GALNT13: variants seen among roughly 807,000 people sequenced by gnomAD.
The protein encoded by GALNT13 is UDP-GalNAc:polypeptide N-acetylgalactosaminyltransferase 13.
GALNT13 carries 28 observed loss-of-function variants against 64.2 expected under a neutral mutation model. That is an observed-to-expected ratio of 0.44 (90% CI 0.32 to 0.60). The LOEUF is 0.60. GALNT13 is among the 20% of genes least tolerant of loss of function. The pLI, the probability that GALNT13 is intolerant of heterozygous loss-of-function variation, is 0.05. For missense variants in GALNT13, 577 were observed against 669.8 expected, an observed-to-expected ratio of 0.86 and a Z score of 1.53; for synonymous variants, 214 against 224.6, an observed-to-expected ratio of 0.95 and a Z score of 0.42.
chr2:153,926,704 G>A (rs968081249), intron 2 of GALNT13, among the ~76,000 whole-genome samples: 7 of 151,930 alleles, frequency 4.6e-5, no homozygotes, highest in Admixed American at 4.6e-4. Flanking sequence ...TGGGTCTGTT[G>A]GTCTATATTT....
the GALNT13 span, chr2:153,478,876 G>C: frequency 1.1e-5 from 4 of 348,298 alleles, no homozygotes; most frequent in Non-Finnish European, 2.1e-5. Context: ...GGGCCGCGGC[G>C]GCTGCAGCGG....
intron 12 of GALNT13, among the ~76,000 whole-genome samples, chr2:154,442,826 CAA>C (rs1701368600): frequency 6.6e-6 from 1 of 150,948 alleles, no homozygotes; most frequent in Non-Finnish European, 1.5e-5. Flanking sequence ...CACTATGCAA[CAA>C]AGAAAAAAAG....
the GALNT13 span, among the ~76,000 whole-genome samples, chr2:153,195,131 G>A: frequency 6.6e-5 from 10 of 152,134 alleles, no homozygotes; most frequent in African/African-American, 1.2e-4. Flanking sequence ...TCCCTTGGAT[G>A]TGTGAGTTCT....
chr2:153,306,139 A>G, the GALNT13 span, among the ~76,000 whole-genome samples: 1 of 151,868 alleles, frequency 6.6e-6, no homozygotes, highest in Non-Finnish European at 1.5e-5. Flanking sequence ...TATTCTGGTG[A>G]CTCACTTCCC....
the GALNT13 span, among the ~76,000 whole-genome samples, chr2:153,138,352 C>T: frequency 6.6e-6 from 1 of 152,038 alleles, no homozygotes; most frequent in African/African-American, 2.4e-5. Context: ...TTTGCAGAGA[C>T]ATAACCTGAG....
chr2:153,310,162 T>C, the GALNT13 span, among the ~76,000 whole-genome samples: 6 of 152,198 alleles, frequency 3.9e-5, no homozygotes, highest in Non-Finnish European at 8.8e-5. Flanking sequence ...CAGGGATTAA[T>C]TTTTTGTTAT....
chr2:153,732,604 A>G, the GALNT13 span, among the ~76,000 whole-genome samples: 2 of 152,206 alleles, frequency 1.3e-5, no homozygotes, highest in East Asian at 3.9e-4. Flanking sequence ...TAGGAAGGTA[A>G]AAATGTGTCT....
At chr2:153,323,566 T>C in the GALNT13 span, among the ~76,000 whole-genome samples, 4 of 152,224 alleles carry the variant, frequency 2.6e-5, no homozygotes, top group Non-Finnish European at 4.4e-5. Context: ...TCTTTGCCCA[T>C]GCCTATGTCC....
At chr2:153,401,704 C>T in the GALNT13 span, among the ~76,000 whole-genome samples, 43 of 146,762 alleles carry the variant, frequency 2.9e-4, no homozygotes, top group African/African-American at 1.1e-3. Context: ...CTCTTTTGAT[C>T]TTTGTTGGTT....
the GALNT13 span, among the ~76,000 whole-genome samples, chr2:153,089,677 TTGTCTC>T: frequency 2.0e-5 from 3 of 152,200 alleles, no homozygotes; most frequent in African/African-American, 4.8e-5. Flanking sequence ...TCTTTTTTCT[TTGTCTC>T]TGTCTTATTG....
At chr2:153,765,909 C>T in the GALNT13 span, among the ~76,000 whole-genome samples, 2 of 152,120 alleles carry the variant, frequency 1.3e-5, no homozygotes, top group African/African-American at 2.4e-5. Context: ...CCTGCCACCA[C>T]GTAAGATGTG....
At chr2:153,836,955 C>A in the GALNT13 span, among the ~76,000 whole-genome samples, 4 of 151,992 alleles carry the variant, frequency 2.6e-5, no homozygotes, top group African/African-American at 9.7e-5. Context: ...GTGAATAGTG[C>A]CGCAATAAAC....
At chr2:153,904,561 T>C (rs1337347363) in intron 2 of GALNT13, among the ~76,000 whole-genome samples, 1 of 151,956 alleles carries the variant, frequency 6.6e-6, no homozygotes, top group Non-Finnish European at 1.5e-5. Context: ...ATTAATATGA[T>C]TATGTCATGT....
the GALNT13 span, among the ~76,000 whole-genome samples, chr2:153,838,506 T>C: frequency 6.6e-6 from 1 of 152,092 alleles, no homozygotes; most frequent in Non-Finnish European, 1.5e-5. Flanking sequence ...GCCCCTTCAT[T>C]GAAGGGACGG....
the GALNT13 span, among the ~76,000 whole-genome samples, chr2:153,626,942 C>A: frequency 6.6e-6 from 1 of 152,022 alleles, no homozygotes; most frequent in African/African-American, 2.4e-5. Flanking sequence ...AATAATATTT[C>A]AGATTAAGGA....
chr2:154,437,852 TA>T (rs10714112), intron 11 of GALNT13: 102,681 of 116,740 alleles, frequency 0.88, 46,635 homozygotes, highest in East Asian at 0.97. Flanking sequence ...AGACTCCATC[TA>T]AAAAAAAAAA....
At chr2:154,343,327 A>C (rs1162328224) in intron 9 of GALNT13, among the ~76,000 whole-genome samples, 2 of 152,204 alleles carry the variant, frequency 1.3e-5, no homozygotes, top group Non-Finnish European at 2.9e-5. Flanking sequence ...ACAACTTAGT[A>C]AATATATATA....
At chr2:153,958,859 C>T (rs1237173198) in intron 3 of GALNT13, among the ~76,000 whole-genome samples, 2 of 152,162 alleles carry the variant, frequency 1.3e-5, no homozygotes, top group African/African-American at 4.8e-5. Flanking sequence ...GGGGAGACCT[C>T]AGAGGCCCTG....
At chr2:153,841,970 T>C in the GALNT13 span, among the ~76,000 whole-genome samples, 3 of 152,116 alleles carry the variant, frequency 2.0e-5, no homozygotes, top group Non-Finnish European at 4.4e-5. Context: ...ATGAGGCTAG[T>C]ACTAAAATTT....
Sources: allele counts gnomAD v4.1 joint callset (sites outside exome capture counted in the v4.1 genomes callset), GRCh38; gene constraint gnomAD v4.1.1; transcripts MANE v1.5; gene names NCBI Gene and HGNC (gene_info 2026-07-23, HGNC 2026-07-21).